SOX6: variants seen among roughly 807,000 people sequenced by gnomAD.
SOX6 encodes SRY-box transcription factor 6.
A neutral mutation model predicts 97.8 loss-of-function variants in SOX6; 11 were observed. The ratio of observed to expected loss-of-function variants is 0.11; its 90% CI spans 0.07 to 0.19. SOX6 has a LOEUF of 0.19. Among genes scored for constraint, SOX6 ranks in the 10% least tolerant of loss-of-function variants. The pLI is 1.00. For missense variants in SOX6, 810 were observed against 1,039.5 expected (o/e 0.78, Z 3.04); for synonymous variants, 360 against 371.4 (o/e 0.97, Z 0.35).
intron 6 of SOX6, among the ~76,000 whole-genome samples, chr11:16,126,380 T>C (rs1849614795): frequency 6.6e-6 from 1 of 152,240 alleles, no homozygotes; most frequent in East Asian, 1.9e-4. Context: ...AATACTGCAC[T>C]ACAACTGTAG....
intron 3 of SOX6, among the ~76,000 whole-genome samples, chr11:16,702,540 A>G (rs11024016): frequency 0.16 from 24,817 of 152,152 alleles, 2,664 homozygotes; most frequent in East Asian, 0.32. Context: ...TTTACTCTGT[A>G]TGTTTTCTGA....
intron 3 of SOX6, among the ~76,000 whole-genome samples, chr11:16,634,866 G>A (rs1848761697): frequency 6.6e-6 from 1 of 152,260 alleles, no homozygotes; most frequent in Admixed American, 6.5e-5. Context: ...CCTCCATGCT[G>A]TTCTCATAAT....
Position 16,300,364 on chromosome 11 carries a change from T to A in SOX6, c.445+18082A>T, listed in dbSNP as rs558118848. ...TAATTAGTTGTCTTCCTAAAATGCA[T>A]ACCTAGCATTTTTATTATGTATTAT... On this transcript the variant is annotated intron_variant, in intron 3 of 15. Coordinates refer to ENST00000683767, the MANE Select transcript of SOX6 (RefSeq NM_001367873.1). The surrounding 1 kb of genome is among the most constrained non-coding windows in gnomAD (Gnocchi z 4.1). 6.6e-6 allele frequency among the ~76,000 whole-genome samples: 1 copy of A among 152,320 alleles called. No homozygotes were observed. Among genetic ancestry groups the A allele is most frequent in the Admixed American group, 6.5e-5 (1 of 15,296 alleles).
chr11:16,675,182 T>C (rs1404848673), intron 3 of SOX6, among the ~76,000 whole-genome samples: 1 of 152,216 alleles, frequency 6.6e-6, no homozygotes, highest in Non-Finnish European at 1.5e-5. Context: ...CCATTTACAG[T>C]AATCACACAT....
chr11:16,667,545 GAA>G (rs35883383), intron 3 of SOX6, among the ~76,000 whole-genome samples: 106 of 138,060 alleles, frequency 7.7e-4, no homozygotes, highest in South Asian at 5.6e-3. Flanking sequence ...AGTGCTGAAG[GAA>G]AAAAAAAAAA....
intron 3 of SOX6, among the ~76,000 whole-genome samples, chr11:16,277,419 C>T (rs544192354): frequency 1.3e-5 from 2 of 152,266 alleles, no homozygotes; most frequent in Admixed American, 6.5e-5. Context: ...CAATCTTCAA[C>T]TTTCCTGCCT....
intron 4 of SOX6, among the ~76,000 whole-genome samples, chr11:16,601,500 C>A (rs983900205): frequency 6.6e-6 from 1 of 151,876 alleles, no homozygotes; most frequent in African/African-American, 2.4e-5. Flanking sequence ...GAAAGTTGTT[C>A]GTAAATAGTG....
At position 16,402,623 on chromosome 11, in the gene SOX6, C is replaced by G. The variant is rs183805233; in HGVS notation, c.-4-61371G>C. 140 of 1,584,024 alleles carry G rather than the reference C, an allele frequency of 8.8e-5. No individual in the cohort carries two copies. In the African/African-American group the frequency reaches 1.6e-3, roughly 18 times the overall value. ...TTAATGAAAGCAGACTGAAGTTACC[C>G]TTTCATTTTTTTTAACAAAATACAA... is the stretch of plus-strand genomic sequence containing the variant. On this transcript the variant is annotated intron_variant, in intron 1 of 15. Coordinates refer to the SOX6 transcript ENST00000396356.
chr11:16,430,786 T>C (rs1456850646), intron 1 of SOX6, among the ~76,000 whole-genome samples: 1 of 152,204 alleles, frequency 6.6e-6, no homozygotes, highest in Non-Finnish European at 1.5e-5. Context: ...CTAGTCTCCC[T>C]GCTATAGTCT....
At chr11:16,192,972 C>T (rs527599235) in intron 4 of SOX6, among the ~76,000 whole-genome samples, 39 of 152,206 alleles carry the variant, frequency 2.6e-4, no homozygotes, top group Middle Eastern at 3.4e-3. Flanking sequence ...TCACCTCTTC[C>T]ACAGTATTCC....
At chr11:16,315,826 C>T (rs2134297266) in intron 3 of SOX6, 1 of 152,302 alleles carries the variant, frequency 6.6e-6, no homozygotes, top group East Asian at 1.9e-4. Context: ...TTACTAATTC[C>T]TTCAACCATT....
chr11:16,068,319 C>T (rs1267580776), intron 9 of SOX6, among the ~76,000 whole-genome samples: 4 of 152,006 alleles, frequency 2.6e-5, no homozygotes, highest in East Asian at 1.9e-4. Context: ...TGGTGACAGG[C>T]GTAATTAAGC....
At chr11:16,559,897 A>G (rs1172521497) in intron 4 of SOX6, among the ~76,000 whole-genome samples, 1 of 152,144 alleles carries the variant, frequency 6.6e-6, no homozygotes, top group Non-Finnish European at 1.5e-5. Context: ...GCACTATTCA[A>G]ATATTCAAAT....
intron 15 of SOX6, among the ~76,000 whole-genome samples, chr11:15,981,274 A>G (rs1590106091): frequency 6.6e-6 from 1 of 152,134 alleles, no homozygotes; most frequent in East Asian, 1.9e-4. Context: ...GTAAAAGTAT[A>G]TACATGAGTT....
intron 6 of SOX6, among the ~76,000 whole-genome samples, chr11:16,150,175 A>G (rs1357277615): frequency 6.6e-6 from 1 of 152,204 alleles, no homozygotes; most frequent in Non-Finnish European, 1.5e-5. Context: ...AACAATATTG[A>G]TTACAGAAGT....
chr11:16,634,027 G>T (rs573496164), intron 3 of SOX6, among the ~76,000 whole-genome samples: 1 of 152,228 alleles, frequency 6.6e-6, no homozygotes, highest in Admixed American at 6.5e-5. Flanking sequence ...CTAGAGAAAA[G>T]ATGATCAACA....
chr11:16,289,658 C>T (rs1267761514), intron 3 of SOX6, among the ~76,000 whole-genome samples: 1 of 151,970 alleles, frequency 6.6e-6, no homozygotes, highest in Admixed American at 6.6e-5. Flanking sequence ...ACATAAATGA[C>T]AAACTCCTAG....
chr11:16,080,836 A>AC (rs1220449714), intron 9 of SOX6, among the ~76,000 whole-genome samples: 2 of 152,154 alleles, frequency 1.3e-5, no homozygotes, highest in Non-Finnish European at 2.9e-5. Flanking sequence ...GGCTTTACTC[A>AC]CAGTGAAGCC....
intron 1 of SOX6, among the ~76,000 whole-genome samples, chr11:16,459,782 T>C (rs1859883984): frequency 6.6e-6 from 1 of 151,904 alleles, no homozygotes; most frequent in African/African-American, 2.4e-5. Flanking sequence ...TGAAACAAAA[T>C]GTGGGGTGAA....
Sources: allele counts gnomAD v4.1 joint callset (sites outside exome capture counted in the v4.1 genomes callset), GRCh38; gene constraint gnomAD v4.1.1; non-coding constraint Gnocchi (gnomAD v3.1); transcripts MANE v1.5; gene names NCBI Gene and HGNC (gene_info 2026-07-23, HGNC 2026-07-21).